OTUD3: variants seen among roughly 807,000 people sequenced by gnomAD.
OTUD3 encodes OTU deubiquitinase 3.
In OTUD3, 24 loss-of-function variants were observed where a neutral mutation model predicts 46.2. That is an observed-to-expected ratio of 0.52 (90% CI 0.38 to 0.73). The LOEUF is 0.73. OTUD3 is among the 30% of genes least tolerant of loss of function. The probability of loss-of-function intolerance (pLI) is 0.00; values close to 1 mark genes in which losing one functional copy is unlikely to be tolerated. For missense variants in OTUD3, 455 were observed against 523.3 expected (o/e 0.87, Z 1.27); for synonymous variants, 189 against 195.4 (o/e 0.97, Z 0.27).
chr1:19,902,292 G>A (rs2045601373), intron 4 of OTUD3, among the ~76,000 whole-genome samples: 1 of 152,050 alleles, frequency 6.6e-6, no homozygotes, highest in South Asian at 2.1e-4. Context: ...GGCAAGCTCC[G>A]CCTCCCGGGT....
intron 4 of OTUD3, among the ~76,000 whole-genome samples, chr1:19,902,318 G>C (rs1198157946): frequency 6.6e-6 from 1 of 152,124 alleles, no homozygotes; most frequent in Non-Finnish European, 1.5e-5. Context: ...CCATTCTTCT[G>C]CCTCAGCCTC....
intron 2 of OTUD3, among the ~76,000 whole-genome samples, chr1:19,890,825 A>G (rs79413114): frequency 1.3e-5 from 2 of 152,200 alleles, no homozygotes; most frequent in Non-Finnish European, 2.9e-5. Flanking sequence ...CATAGCTTGT[A>G]TAGGTTGATC....
At chr1:19,883,802 C>T (rs993307559) in intron 1 of OTUD3, among the ~76,000 whole-genome samples, 2 of 152,208 alleles carry the variant, frequency 1.3e-5, no homozygotes, top group African/African-American at 4.8e-5. Flanking sequence ...TAGATATTAA[C>T]TGCAGAATAA....
chr1:19,887,217 T>A (rs955782205), intron 1 of OTUD3, among the ~76,000 whole-genome samples: 30 of 152,076 alleles, frequency 2.0e-4, no homozygotes, highest in Non-Finnish European at 1.5e-5. Flanking sequence ...CCTGTGTAGC[T>A]GGGATTACAG....
At chr1:19,895,160 T>C (rs2045503075) in intron 3 of OTUD3, among the ~76,000 whole-genome samples, 1 of 152,246 alleles carries the variant, frequency 6.6e-6, no homozygotes, top group African/African-American at 2.4e-5. Context: ...TATCCACATA[T>C]ATACGGACAC....
chr1:19,901,687 C>T (rs1236706362), intron 4 of OTUD3, among the ~76,000 whole-genome samples: 1 of 152,196 alleles, frequency 6.6e-6, no homozygotes, highest in African/African-American at 2.4e-5. Flanking sequence ...CCAATTCCCC[C>T]TCTCCCCTAG....
At position 19,909,632 on chromosome 1, in the gene OTUD3, A is replaced by G. The variant is rs1363500088; in HGVS notation, c.*1886A>G. 7 of 152,342 alleles carry G rather than the reference A, an allele frequency of 4.6e-5. No individual in the cohort carries two copies. Among genetic ancestry groups the G allele is most frequent in the Non-Finnish European group, 8.8e-5 (6 of 68,042 alleles). 9.4% of individuals were successfully genotyped at this position (152,342 alleles called of 1,614,324 possible). ...TCTGTTTTGTACTGCTTGAGTGCAG[A>G]GGCCAGATCCTCTCAGAAAGATAAG... On this transcript the variant is annotated 3_prime_UTR_variant, in exon 8 of 8. Transcript: ENST00000375120.
Position 19,909,128 on chromosome 1 carries a change from A to G in OTUD3, c.*1382A>G, listed in dbSNP as rs1289368543. 1 of 152,390 alleles carries G rather than the reference A, an allele frequency of 6.6e-6. No individual in the cohort carries two copies. Among genetic ancestry groups the G allele is most frequent in the Non-Finnish European group, 1.5e-5 (1 of 68,050 alleles). 9.4% of individuals were successfully genotyped at this position (152,390 alleles called of 1,614,324 possible). ...ATGCTGAGTTGAAAGGTAAATTATT[A>G]GTTATCTTCCCCACCCCTCGCATTT... On this transcript the variant is annotated 3_prime_UTR_variant, in exon 8 of 8. Coordinates refer to ENST00000375120, the MANE Select transcript of OTUD3 (RefSeq NM_015207.2).
rs1476832404 is a variant in OTUD3, at chr1:19,911,384, G to T, written c.*3638G>T. 1 of 140,014 alleles carries T rather than the reference G, an allele frequency of 7.1e-6. No individual in the cohort carries two copies. The highest frequency in any genetic ancestry group is 1.5e-5 in the Non-Finnish European group (1 of 65,080). 8.7% of individuals were successfully genotyped at this position (140,014 alleles called of 1,614,324 possible). Reference sequence around the variant, plus strand: ...TAAGTTATGTTTTCCTGGCTCTAAAGTAAATTTTTTTTTTTTTTTTTTTGA... The same window carrying T: ...TAAGTTATGTTTTCCTGGCTCTAAATTAAATTTTTTTTTTTTTTTTTTTGA... On this transcript the variant is annotated 3_prime_UTR_variant, in exon 8 of 8. Coordinates refer to ENST00000375120, the MANE Select transcript of OTUD3 (RefSeq NM_015207.2).
At position 19,882,631 on chromosome 1, in the gene OTUD3, C is replaced by T; in HGVS notation, c.118C>T (p.Arg40Trp). 4 of 1,461,096 alleles carry T rather than the reference C, an allele frequency of 2.7e-6. No homozygotes were observed. The highest frequency in any genetic ancestry group is 3.6e-6 in the Non-Finnish European group (4 of 1,108,724). 90.5% of individuals were successfully genotyped at this position (1,461,096 alleles called of 1,614,324 possible). A position where few individuals can be genotyped will look rare whatever the true frequency, so the allele number is the denominator to read the frequency against. ...GGCCCTGGCCAAGGAGCGGCGGAAT[C>T]GGCCGGAGTCTGGCGGCGGCGGCGG... Reference protein sequence around the residue: ...RRALAKERRNRPESGGGGGCE... With the variant: ...RRALAKERRNWPESGGGGGCE... Residue 40 changes from arginine (R) to tryptophan (W), a missense_variant, in exon 1 of 8, where the codon CGG becomes TGG. Arg to Trp is a moderately radical substitution (Grantham distance 101). Coordinates refer to ENST00000375120, the MANE Select transcript of OTUD3 (RefSeq NM_015207.2).
chr1:19,887,194 C>T (rs1448836206), intron 1 of OTUD3, among the ~76,000 whole-genome samples: 1 of 151,744 alleles, frequency 6.6e-6, no homozygotes, highest in African/African-American at 2.4e-5. Context: ...AAGCGATTCT[C>T]CTGCCTCGGC....
chr1:19,910,889 G>C lies in OTUD3; in HGVS notation c.*3143G>C, dbSNP rs113006750. On this transcript the variant is annotated 3_prime_UTR_variant, in exon 8 of 8. Transcript: ENST00000375120. ...CTCACATATTACACAGGTAGCATCA[G>C]GTGGACTTCAGCGCTGAACTGTACT... 4,808 of 152,448 alleles carry C rather than the reference G, an allele frequency of 0.032. 111 individuals carry two copies. The highest frequency in any genetic ancestry group is 0.048 in the Non-Finnish European group (3,268 of 68,050). The allele number at this position is 152,448 out of a possible 1,614,324, so 9.4% of individuals were successfully genotyped here.
intron 4 of OTUD3, among the ~76,000 whole-genome samples, chr1:19,902,744 ATTCTCT>A (rs2045607975): frequency 6.6e-6 from 1 of 151,892 alleles, no homozygotes. Context: ...TTTTTTGTTG[ATTCTCT>A]TGTTTCAGTT....
At chr1:19,905,023 TG>T (rs1344022168) in intron 6 of OTUD3, 36 bp downstream of exon 6, 1 of 1,061,452 alleles carries the variant, frequency 9.4e-7, no homozygotes, top group African/African-American at 1.6e-5. Flanking sequence ...ATCTTCAAAA[TG>T]GTTGTGTTGG....
intron 1 of OTUD3, among the ~76,000 whole-genome samples, chr1:19,887,276 G>T (rs139489684): frequency 0.011 from 1,660 of 152,086 alleles, 32 homozygotes; most frequent in African/African-American, 0.037. Flanking sequence ...TAGAGACGGG[G>T]TATCTCCGTG....
rs1374151992 is a variant in OTUD3 at position 19,907,635 on chromosome 1, C to A, written c.1086C>A (p.His362Gln). 1.9e-6 allele frequency: 3 copies of A among 1,614,106 alleles called. No individual in the cohort carries two copies. The highest frequency in any genetic ancestry group is 2.5e-6 in the Non-Finnish European group (3 of 1,180,014). Residue 362 changes from histidine to glutamine, a missense_variant, in exon 8 of 8, where the codon CAC becomes CAA. Coordinates refer to ENST00000375120, the MANE Select transcript of OTUD3 (RefSeq NM_015207.2). The stretch of plus-strand genomic sequence containing the variant: ...AGAAGAAGCGGCAGGAGGAGAGGCA[C>A]CGCCACAAAGCCCTGGAGAGCAGAG... ...MEKKKRQEER[H>Q]RHKALESRGS...
chr1:19,902,802 T>C (rs1217145530), intron 4 of OTUD3, among the ~76,000 whole-genome samples: 1 of 152,152 alleles, frequency 6.6e-6, no homozygotes, highest in Non-Finnish European at 1.5e-5. Flanking sequence ...CTTTTTTCTT[T>C]TTAATTTTAT....
chr1:19,902,395 CAG>C (rs1188529143), intron 4 of OTUD3, among the ~76,000 whole-genome samples: 6 of 152,098 alleles, frequency 3.9e-5, no homozygotes, highest in Admixed American at 3.3e-4. Flanking sequence ...TTAGTGGAGA[CAG>C]GGTTTCATCG....
At chr1:19,900,632 T>C (rs2045573895) in intron 4 of OTUD3, among the ~76,000 whole-genome samples, 1 of 152,204 alleles carries the variant, frequency 6.6e-6, no homozygotes, top group African/African-American at 2.4e-5. Flanking sequence ...TTATACATCT[T>C]TTCTCCACTG....
Sources: gnomAD v4.1 joint callset for allele counts (sites outside exome capture counted in the v4.1 genomes callset) on GRCh38, gnomAD v4.1.1 for gene constraint, MANE v1.5 for transcripts, NCBI Gene and HGNC (gene_info 2026-07-23, HGNC 2026-07-21) for gene names.